The following MIS18A variants were observed in gnomAD, a reference collection of about 807,000 sequenced individuals.
MIS18A encodes the protein MIS18 kinetochore protein A.
In MIS18A, 14 loss-of-function variants were observed where a neutral mutation model predicts 25.0. The ratio of observed to expected loss-of-function variants is 0.56; its 90% CI spans 0.37 to 0.88. The LOEUF is 0.88. Ranked by LOEUF, MIS18A falls within the 40% of genes least tolerant of loss-of-function variation. The pLI, the probability that MIS18A is intolerant of heterozygous loss-of-function variation, is 0.00. For synonymous variants in MIS18A, 134 were observed against 118.6 expected (o/e 1.13, Z -0.84); for missense variants, 292 against 290.8 (o/e 1.00, Z -0.03).
At chr21:32,194,611 A>G in the MIS18A span, among the ~76,000 whole-genome samples, 1 of 152,004 alleles carries the variant, frequency 6.6e-6, no homozygotes, top group African/African-American at 2.4e-5. Context: ...GTGAGCCAAG[A>G]TCGTGCCATT....
chr21:32,265,340 C>T (rs1298429119), downstream of MIS18A, among the ~76,000 whole-genome samples: 3 of 152,186 alleles, frequency 2.0e-5, no homozygotes, highest in East Asian at 1.9e-4. Context: ...GGGAGAGGCA[C>T]GAGCGGGAAC....
intron 1 of MIS18A, chr21:32,278,449 C>T: frequency 3.6e-6 from 2 of 550,760 alleles, no homozygotes; most frequent in Non-Finnish European, 6.3e-6. Flanking sequence ...GCTGATTCAA[C>T]CACTGCTCTT....
At chr21:32,159,113 C>A in the MIS18A span, among the ~76,000 whole-genome samples, 1 of 151,924 alleles carries the variant, frequency 6.6e-6, no homozygotes. Flanking sequence ...GATATTGTAC[C>A]TCTAATAAGA....
the MIS18A span, chr21:32,260,561 G>C: frequency 1.3e-5 from 2 of 152,758 alleles, no homozygotes; most frequent in Non-Finnish European, 2.9e-5. Context: ...ACTGCAGAGA[G>C]AGAAAGGAGG....
At chr21:32,240,124 G>A in the MIS18A span, among the ~76,000 whole-genome samples, 1 of 152,246 alleles carries the variant, frequency 6.6e-6, no homozygotes, top group Non-Finnish European at 1.5e-5. Flanking sequence ...TGCGAACGTT[G>A]CATCGCATTG....
chr21:32,252,242 G>GAAGA, the MIS18A span, among the ~76,000 whole-genome samples: 10 of 37,576 alleles, frequency 2.7e-4, no homozygotes, highest in East Asian at 2.0e-3. Context: ...GAAGAAGAAG[G>GAAGA]AGGAGGAGGA....
rs1220441238 is a variant in MIS18A at position 32,279,003 on chromosome 21, A to C, written c.12T>G (p.Val4=). 6.3e-7 allele frequency: 1 copy of C among 1,596,960 alleles called. No homozygotes were observed. Among genetic ancestry groups the C allele is most frequent in the Non-Finnish European group, 8.5e-7 (1 of 1,172,048 alleles). The change falls in exon 1 of 5, where the codon GTT becomes GTG. Residue 4 remains valine, a synonymous_variant. Transcript: ENST00000290130. MAG[V]RSLRCSRGCA... is the part of the protein sequence containing the mutation. ...ATCCTCTGCTACACCTCAGTGACCG[A>C]ACGCCTGCCATTACCTACAAATCGC...
At chr21:32,184,015 CAG>C in the MIS18A span, among the ~76,000 whole-genome samples, 1 of 152,200 alleles carries the variant, frequency 6.6e-6, no homozygotes, top group Non-Finnish European at 1.5e-5. Context: ...ATATGAGTCT[CAG>C]GGATTTCCGA....
chr21:32,273,115 CTTTTTTT>C (rs879786505), intron 2 of MIS18A, among the ~76,000 whole-genome samples: 1 of 134,430 alleles, frequency 7.4e-6, no homozygotes, highest in African/African-American at 2.7e-5. Context: ...AACTTTTTTT[CTTTTTTT>C]TTTTTTTTCA....
chr21:32,173,049 G>A, the MIS18A span, among the ~76,000 whole-genome samples: 1 of 150,658 alleles, frequency 6.6e-6, no homozygotes, highest in Non-Finnish European at 1.5e-5. Context: ...GTGACTTTAG[G>A]TCAGGCAGTA....
At position 32,278,741 on chromosome 21, in the gene MIS18A, G is replaced by C. The variant is rs776303722; in HGVS notation, c.274C>G (p.Leu92Val). The C allele has an allele frequency of 1.3e-6, 2 of 1,578,366 alleles. No individual in the cohort carries two copies. Among genetic ancestry groups the C allele is most frequent in the Non-Finnish European group, 1.7e-6 (2 of 1,168,618 alleles). The change falls in exon 1 of 5, where the codon CTG becomes GTG. Residue 92 changes from leucine (L) to valine (V), a missense_variant. By Grantham distance (32) the Leu-to-Val change is conservative. Coordinates refer to ENST00000290130, the MANE Select transcript of MIS18A (RefSeq NM_018944.3). Reference protein sequence around the residue: ...VFLCSGCRRPLGDSLSWVASQ... With the variant: ...VFLCSGCRRPVGDSLSWVASQ... ...GCCACCCAGCTCAGCGAGTCGCCCA[G>C]CGGCCGCCGGCAGCCGGAGCACAGG... is the stretch of plus-strand genomic sequence containing the variant.
chr21:32,187,261 C>T, the MIS18A span, among the ~76,000 whole-genome samples: 2 of 152,192 alleles, frequency 1.3e-5, no homozygotes, highest in Admixed American at 1.3e-4. Context: ...TTCTTATTTA[C>T]TTATTTTTAT....
At chr21:32,240,068 G>A in the MIS18A span, among the ~76,000 whole-genome samples, 10 of 152,334 alleles carry the variant, frequency 6.6e-5, no homozygotes, top group African/African-American at 1.2e-4. Context: ...GTACAAATAC[G>A]CAGTCCAGGT....
chr21:32,247,174 C>G, the MIS18A span, among the ~76,000 whole-genome samples: 1 of 152,320 alleles, frequency 6.6e-6, no homozygotes, highest in Admixed American at 6.5e-5. Context: ...TACCTACCCA[C>G]CCCATTTCAT....
the MIS18A span, among the ~76,000 whole-genome samples, chr21:32,198,577 G>C: frequency 1.3e-5 from 2 of 152,212 alleles, no homozygotes; most frequent in Non-Finnish European, 2.9e-5. Context: ...AGTCTGCCCG[G>C]TTCTGCCCAT....
the MIS18A span, among the ~76,000 whole-genome samples, chr21:32,189,212 T>C: frequency 6.6e-6 from 1 of 152,218 alleles, no homozygotes; most frequent in Non-Finnish European, 1.5e-5. Context: ...ATGTGGTCCT[T>C]GCCCAACTCC....
chr21:32,199,471 AG>A, the MIS18A span, among the ~76,000 whole-genome samples: 4 of 152,276 alleles, frequency 2.6e-5, no homozygotes, highest in East Asian at 7.7e-4. Flanking sequence ...ACTAAAAAAG[AG>A]GGTGGCCTCA....
intron 1 of MIS18A, 97 bp downstream of exon 1, chr21:32,278,584 C>A: frequency 1.6e-6 from 2 of 1,278,986 alleles, no homozygotes; most frequent in Non-Finnish European, 2.1e-6. Flanking sequence ...CCCTGGGCAG[C>A]CCCAAGGAGC....
the MIS18A span, among the ~76,000 whole-genome samples, chr21:32,215,992 A>G: frequency 1.3e-5 from 2 of 152,178 alleles, no homozygotes; most frequent in Admixed American, 6.5e-5. Context: ...TCACCATAAG[A>G]AGATGTGGGG....
Sources: allele counts gnomAD v4.1 joint callset (sites outside exome capture counted in the v4.1 genomes callset), GRCh38; gene constraint gnomAD v4.1.1; transcripts MANE v1.5; gene names NCBI Gene and HGNC (gene_info 2026-07-23, HGNC 2026-07-21).